Variants in LHFPL2 observed in about 807,000 individuals in gnomAD.
The protein encoded by LHFPL2 is LHFPL tetraspan subfamily member 2 protein.
A neutral mutation model predicts 17.5 loss-of-function variants in LHFPL2; 7 were observed. The ratio of observed to expected loss-of-function variants is 0.40; its 90% CI spans 0.23 to 0.75. LHFPL2 has a LOEUF of 0.75. Among genes scored for constraint, LHFPL2 ranks in the 30% least tolerant of loss-of-function variants. The pLI is 0.37. For missense variants in LHFPL2, 241 were observed against 294.8 expected (o/e 0.82, Z 1.34); for synonymous variants, 134 against 116.2 (o/e 1.15, Z -0.99).
chr5:78,611,155 A>C (rs1485935540), intron 2 of LHFPL2, among the ~76,000 whole-genome samples: 1 of 152,226 alleles, frequency 6.6e-6, no homozygotes, highest in Non-Finnish European at 1.5e-5. Flanking sequence ...TCCACTAAGC[A>C]AGGGCTAAGA....
At chr5:78,582,063 C>T (rs1325367567) in intron 2 of LHFPL2, among the ~76,000 whole-genome samples, 1 of 152,170 alleles carries the variant, frequency 6.6e-6, no homozygotes, top group African/African-American at 2.4e-5. Context: ...TCTAGATTTT[C>T]TGGTTTATTT....
At chr5:78,544,090 A>G (rs7724447) in intron 3 of LHFPL2, among the ~76,000 whole-genome samples, 62,370 of 152,116 alleles carry the variant, frequency 0.41, 13,022 homozygotes, top group Middle Eastern at 0.5. Context: ...CAGTGCCAGG[A>G]CAGCAATGGC....
At chr5:78,564,491 T>G (rs569659317) in intron 3 of LHFPL2, among the ~76,000 whole-genome samples, 46 of 151,914 alleles carry the variant, frequency 3.0e-4, no homozygotes, top group African/African-American at 1.1e-3. Flanking sequence ...ACAGAGAAGC[T>G]CGAAAGGAAA....
rs1173937369 is a variant in LHFPL2, at chr5:78,594,643, T to C, written c.-244-29772A>G. Among the ~76,000 whole-genome samples, 12 of 152,156 alleles carry C rather than the reference T, an allele frequency of 7.9e-5. No individual in the cohort carries two copies. In the South Asian group the frequency reaches 1.0e-3, roughly 13 times the overall value. ...CTTCACTACACTGTTTGGGTAGGGA[T>C]TCTATAATTTTTCCTAAGTGTTCCC... On this transcript the variant is annotated intron_variant, in intron 2 of 4. Transcript: ENST00000380345.
At chr5:78,507,444 A>C (rs10942858) in intron 4 of LHFPL2, among the ~76,000 whole-genome samples, 103,409 of 152,086 alleles carry the variant, frequency 0.68, 37,233 homozygotes, top group East Asian at 0.92. Context: ...AATGTGATGC[A>C]CACCAGAGTA....
intron 3 of LHFPL2, among the ~76,000 whole-genome samples, chr5:78,516,968 G>A (rs56083004): frequency 0.28 from 42,373 of 152,118 alleles, 6,153 homozygotes; most frequent in East Asian, 0.44. Context: ...GCCTGGACAT[G>A]GGTTCAGAAA....
chr5:78,561,559 C>T (rs540451715), intron 3 of LHFPL2, among the ~76,000 whole-genome samples: 1 of 152,304 alleles, frequency 6.6e-6, no homozygotes, highest in Admixed American at 6.5e-5. Context: ...CTTCCCTGGT[C>T]CAAACTTGCA....
intron 2 of LHFPL2, among the ~76,000 whole-genome samples, chr5:78,568,088 G>T (rs551543425): frequency 7.2e-5 from 11 of 152,258 alleles, no homozygotes; most frequent in Non-Finnish European, 1.6e-4. Flanking sequence ...ACATACAATG[G>T]TATTCTCACG....
chr5:78,522,521 G>A (rs1235984739), intron 3 of LHFPL2, among the ~76,000 whole-genome samples: 1 of 152,178 alleles, frequency 6.6e-6, no homozygotes, highest in Non-Finnish European at 1.5e-5. Flanking sequence ...TACGTTTGCT[G>A]ACACTTGTTT....
rs372439802 is a variant in LHFPL2 at position 78,552,134 on chromosome 5, AT to A, written c.-186+12678del. Reference sequence around the variant, plus strand: ...TTAATCAATCTGCCTCATGTCAGTGATTTTTTTTTTTTTTTTTGAGACAGAG... The same window carrying A: ...TTAATCAATCTGCCTCATGTCAGTGATTTTTTTTTTTTTTTTGAGACAGAG... On this transcript the variant is annotated intron_variant, in intron 3 of 4. Transcript: ENST00000380345. 9.7e-3 allele frequency among the ~76,000 whole-genome samples: 1,356 copies of A among 140,380 alleles called. 20 individuals carry two copies. The highest frequency in any genetic ancestry group is 0.028 in the African/African-American group (1,061 of 37,896). 92.1% of individuals were successfully genotyped at this position (140,380 alleles called of 152,430 possible). A position where few individuals can be genotyped will look rare whatever the true frequency, so the allele number is the denominator to read the frequency against.
chr5:78,569,793 T>C (rs919560395), intron 2 of LHFPL2, among the ~76,000 whole-genome samples: 11 of 152,144 alleles, frequency 7.2e-5, no homozygotes, highest in African/African-American at 2.7e-4. Context: ...TCCAAAGACC[T>C]CGCGGACTCT....
intron 1 of LHFPL2, among the ~76,000 whole-genome samples, chr5:78,635,841 C>G (rs1259727469): frequency 6.6e-6 from 1 of 151,930 alleles, no homozygotes; most frequent in Admixed American, 6.5e-5. Context: ...AAAAAACAAC[C>G]AACCAACCAA....
intron 2 of LHFPL2, among the ~76,000 whole-genome samples, chr5:78,618,251 G>C (rs918595026): frequency 1.3e-5 from 2 of 152,126 alleles, no homozygotes; most frequent in African/African-American, 4.8e-5. Context: ...TGTCTCTCAA[G>C]AAGCTTCCGT....
At chr5:78,541,143 C>G (rs968503878) in intron 3 of LHFPL2, among the ~76,000 whole-genome samples, 2 of 152,110 alleles carry the variant, frequency 1.3e-5, no homozygotes, top group African/African-American at 4.8e-5. Flanking sequence ...AGTCAGCAGC[C>G]CCACGTCCCC....
chr5:78,529,923 G>T (rs1755731768), intron 3 of LHFPL2, among the ~76,000 whole-genome samples: 1 of 152,124 alleles, frequency 6.6e-6, no homozygotes, highest in South Asian at 2.1e-4. Flanking sequence ...TTTATTTCAG[G>T]TATTAACTGA....
At chr5:78,585,470 GCA>G (rs1382146867) in intron 2 of LHFPL2, among the ~76,000 whole-genome samples, 47 of 152,246 alleles carry the variant, frequency 3.1e-4, no homozygotes, top group African/African-American at 1.0e-3. Flanking sequence ...TTCGGCTCAC[GCA>G]CAGTGTGTGC....
intron 3 of LHFPL2, among the ~76,000 whole-genome samples, chr5:78,523,490 C>T (rs1277879528): frequency 6.6e-6 from 1 of 151,996 alleles, no homozygotes; most frequent in African/African-American, 2.4e-5. Context: ...ATGCTATCTG[C>T]CTGAGACAGG....
At chr5:78,542,398 G>A (rs1756140166) in intron 3 of LHFPL2, among the ~76,000 whole-genome samples, 1 of 152,178 alleles carries the variant, frequency 6.6e-6, no homozygotes, top group South Asian at 2.1e-4. Context: ...AGCAAAGGCT[G>A]CTTGTAAATG....
chr5:78,500,823 AGT>A, intron 4 of LHFPL2, among the ~76,000 whole-genome samples: 1 of 152,174 alleles, frequency 6.6e-6, no homozygotes, highest in Non-Finnish European at 1.5e-5. Flanking sequence ...CCAGTTCTGA[AGT>A]GATTCTTCAG....
Sources: allele counts gnomAD v4.1 joint callset (sites outside exome capture counted in the v4.1 genomes callset), GRCh38; gene constraint gnomAD v4.1.1; transcripts MANE v1.5; gene names NCBI Gene and HGNC (gene_info 2026-07-23, HGNC 2026-07-21).